The following TLN2 variants were observed in gnomAD, a reference collection of about 807,000 sequenced individuals.
The protein encoded by TLN2 is talin-2.
A neutral mutation model predicts 294.7 loss-of-function variants in TLN2; 118 were observed. That is an observed-to-expected ratio of 0.40 (90% confidence interval 0.34 to 0.47). The LOEUF is 0.47. TLN2 is among the 20% of genes least tolerant of loss of function. TLN2 has a pLI of 0.84. For missense variants in TLN2, 3,083 were observed against 3,282.2 expected, an observed-to-expected ratio of 0.94 and a Z score of 1.48; for synonymous variants, 1,431 against 1,304.5, an observed-to-expected ratio of 1.10 and a Z score of -2.09.
intron 32 of TLN2, among the ~76,000 whole-genome samples, chr15:62,747,518 A>AT (rs959531118): frequency 6.6e-6 from 1 of 152,194 alleles, no homozygotes; most frequent in Non-Finnish European, 1.5e-5. Flanking sequence ...TATTTTGTAC[A>AT]TTTTTTATCT....
intron 39 of TLN2, chr15:62,763,250 C>A: frequency 3.0e-5 from 5 of 169,408 alleles, no homozygotes; most frequent in East Asian, 1.3e-4. Context: ...GAGTAAAAGT[C>A]CTGTGCTTAA....
At chr15:62,506,911 T>C (rs1476830145) in intron 1 of TLN2, among the ~76,000 whole-genome samples, 57 of 152,234 alleles carry the variant, frequency 3.7e-4, no homozygotes, top group Non-Finnish European at 8.8e-5. Flanking sequence ...TTTTATTTTT[T>C]ATTTTTGCTT....
In TLN2 at chr15:62,589,684, T is replaced by C. The variant is rs1050122406; in HGVS notation, c.-237-3T>C. The C allele has an allele frequency of 1.2e-4, 18 of 152,244 alleles. No homozygotes were observed. The highest frequency in any genetic ancestry group is 3.8e-4 in the East Asian group (2 of 5,196). 9.4% of individuals were successfully genotyped at this position (152,244 alleles called of 1,614,324 possible). On this transcript the variant is annotated splice_region_variant and splice_polypyrimidine_tract_variant and intron_variant, in intron 1 of 58. Transcript: ENST00000636159. ...ATTCTGATGATTGTTATTATGATTT[T>C]AGGTGCTGCAGGAGGCTTCTCACAT...
At chr15:62,562,432 C>G (rs1038527625) in intron 1 of TLN2, among the ~76,000 whole-genome samples, 5 of 152,186 alleles carry the variant, frequency 3.3e-5, no homozygotes, top group African/African-American at 9.6e-5. Context: ...TGAAATCATA[C>G]AGGTGCTGGT....
At chr15:62,529,818 A>C (rs2040944541) in intron 1 of TLN2, among the ~76,000 whole-genome samples, 1 of 152,258 alleles carries the variant, frequency 6.6e-6, no homozygotes, top group Admixed American at 6.5e-5. Context: ...AAATGGCTGC[A>C]TAGTATTCTA....
At chr15:62,505,854 G>A (rs1032138342) in intron 1 of TLN2, among the ~76,000 whole-genome samples, 1 of 152,098 alleles carries the variant, frequency 6.6e-6, no homozygotes, top group African/African-American at 2.4e-5. Flanking sequence ...AAGGGGAAGG[G>A]GAGTGTCTGC....
At chr15:62,800,335 G>A (rs770334119) in intron 48 of TLN2, 33 bp from the exon 49 acceptor site, 12 of 1,606,478 alleles carry the variant, frequency 7.5e-6, no homozygotes, top group Admixed American at 3.4e-5. Flanking sequence ...ACATCTTGAC[G>A]CCTGCTCACC....
chr15:62,662,379 A>C (rs919602658), intron 9 of TLN2, among the ~76,000 whole-genome samples: 1 of 152,220 alleles, frequency 6.6e-6, no homozygotes, highest in Admixed American at 6.5e-5. Context: ...TTCAGAAAAT[A>C]AAAAAGTAAA....
chr15:62,803,068 C>G (rs1439555828), intron 50 of TLN2, among the ~76,000 whole-genome samples: 1 of 151,822 alleles, frequency 6.6e-6, no homozygotes, highest in Non-Finnish European at 1.5e-5. Context: ...TGATGTAATC[C>G]CATTTGTCTG....
intron 1 of TLN2, among the ~76,000 whole-genome samples, chr15:62,555,933 A>G (rs1364814480): frequency 1.2e-5 from 1 of 84,692 alleles, no homozygotes; most frequent in East Asian, 3.8e-4. Context: ...TATTTTTTAA[A>G]CTTTTTTTTT....
At chr15:62,837,283 C>T (rs896306517) in intron 57 of TLN2, among the ~76,000 whole-genome samples, 5 of 152,118 alleles carry the variant, frequency 3.3e-5, no homozygotes, top group African/African-American at 7.2e-5. Flanking sequence ...GCTGCATGTT[C>T]GTTTGTGAAT....
chr15:62,620,737 C>T lies in TLN2; in HGVS notation c.-37+2262C>T, dbSNP rs148893073. Among the ~76,000 whole-genome samples, 887 of 152,044 alleles carry T rather than the reference C, an allele frequency of 5.8e-3. 12 individuals are homozygous for T. Among genetic ancestry groups the T allele is most frequent in the African/African-American group, 0.02 (849 of 41,472 alleles). On this transcript the variant is annotated intron_variant, in intron 3 of 58. Coordinates refer to ENST00000636159, the MANE Select transcript of TLN2 (RefSeq NM_015059.3). Reference sequence around the variant, plus strand: ...GCTCAAGCGATCCTCCCACCTTGGCCTCCCAAAGTGCTGGAATTATAGATG... The same window carrying T: ...GCTCAAGCGATCCTCCCACCTTGGCTTCCCAAAGTGCTGGAATTATAGATG...
At chr15:62,814,960 G>A (rs1196750393) in intron 52 of TLN2, among the ~76,000 whole-genome samples, 1 of 152,182 alleles carries the variant, frequency 6.6e-6, no homozygotes, top group African/African-American at 2.4e-5. Context: ...TGAGGAAAAT[G>A]AGAATGCCCA....
At position 62,737,085 on chromosome 15, in the gene TLN2, A is replaced by G. The variant is rs751858319; in HGVS notation, c.3566A>G (p.Gln1189Arg). 3.1e-6 allele frequency: 5 copies of G among 1,613,992 alleles called. No individual in the cohort carries two copies. Among genetic ancestry groups the G allele is most frequent in the Non-Finnish European group, 3.4e-6 (4 of 1,180,000 alleles). Residue 1189 changes from glutamine to arginine, a missense_variant and splice_region_variant, in exon 29 of 59, where the codon CAG becomes CGG. Transcript: ENST00000636159. ...GCAGAGCGTCAACAAAGACTGGCTC[A>G]GGTGAGGCTAGGAATGAGAAATTGT... ...GDAERQQRLA[Q>R]VAKAVSHSLN...
chr15:62,398,937 G>A (rs1275946835), intron 1 of TLN2, among the ~76,000 whole-genome samples: 2 of 152,082 alleles, frequency 1.3e-5, no homozygotes, highest in African/African-American at 4.8e-5. Context: ...CCCATCTCAG[G>A]CCCGGAGGCC....
At chr15:62,661,857 C>T (rs752168452) in intron 9 of TLN2, among the ~76,000 whole-genome samples, 36 of 152,006 alleles carry the variant, frequency 2.4e-4, no homozygotes, top group African/African-American at 4.8e-4. Context: ...GCAAACAAAG[C>T]GTAAGTAGAG....
intron 1 of TLN2, among the ~76,000 whole-genome samples, chr15:62,514,891 T>C (rs1228251659): frequency 6.6e-6 from 1 of 152,006 alleles, no homozygotes. Flanking sequence ...AGAGAGTAAA[T>C]ATGCAAAATG....
At chr15:62,806,128 C>G (rs1175202805) in intron 51 of TLN2, among the ~76,000 whole-genome samples, 1 of 151,944 alleles carries the variant, frequency 6.6e-6, no homozygotes, top group East Asian at 1.9e-4. Flanking sequence ...CCCAGGAGTT[C>G]AAGGCTGCAG....
intron 40 of TLN2, among the ~76,000 whole-genome samples, chr15:62,764,764 C>T (rs1388792911): frequency 2.6e-5 from 4 of 151,920 alleles, no homozygotes; most frequent in African/African-American, 4.8e-5. Flanking sequence ...ATCAGGAGTT[C>T]CAGACCAGCC....
Sources: allele counts gnomAD v4.1 joint callset (sites outside exome capture counted in the v4.1 genomes callset), GRCh38; gene constraint gnomAD v4.1.1; transcripts MANE v1.5; gene names NCBI Gene and HGNC (gene_info 2026-07-23, HGNC 2026-07-21).